INPP5D: variants seen among roughly 807,000 people sequenced by gnomAD.
INPP5D encodes inositol polyphosphate-5-phosphatase D.
A neutral mutation model predicts 122.9 loss-of-function variants in INPP5D; 33 were observed. That is an observed-to-expected ratio of 0.27 (90% CI 0.20 to 0.36). The LOEUF is 0.36. INPP5D is among the 10% of genes least tolerant of loss of function. INPP5D has a pLI of 1.00. For missense variants in INPP5D, 1,053 were observed against 1,412.7 expected (o/e 0.75, Z 4.08); for synonymous variants, 584 against 576.2 (o/e 1.01, Z -0.19).
At chr2:233,123,786 A>G (rs1693069510) in intron 3 of INPP5D, among the ~76,000 whole-genome samples, 1 of 152,264 alleles carries the variant, frequency 6.6e-6, no homozygotes, top group Non-Finnish European at 1.5e-5. Context: ...CTATGCAGCC[A>G]GTAAAAAGAA....
chr2:233,164,275 G>A lies in INPP5D; in HGVS notation c.1438-32G>A, dbSNP rs1420744190. On this transcript the variant is annotated intron_variant, in intron 12 of 26. Coordinates refer to ENST00000445964, the MANE Select transcript of INPP5D (RefSeq NM_001017915.3). The surrounding 1 kb of genome is among the most constrained non-coding windows in gnomAD (Gnocchi z 4.3). The stretch of plus-strand genomic sequence containing the variant: ...TGCCCTGGTTCACACCCTACACTTG[G>A]GCCGAGTATTGCAACGTTGTCCTCC... 1 of 1,531,288 alleles carries A rather than the reference G, an allele frequency of 6.5e-7. No individual in the cohort carries two copies. Among genetic ancestry groups the A allele is most frequent in the Non-Finnish European group, 8.8e-7 (1 of 1,135,936 alleles). The allele number at this position is 1,531,288 out of a possible 1,614,324, so 94.9% of individuals were successfully genotyped here.
At chr2:233,109,830 C>A (rs1692568523) in intron 2 of INPP5D, among the ~76,000 whole-genome samples, 1 of 151,636 alleles carries the variant, frequency 6.6e-6, no homozygotes. Context: ...TCATGAACCA[C>A]CCGCCTCAGC....
At chr2:233,089,801 A>T (rs1340052468) in intron 2 of INPP5D, among the ~76,000 whole-genome samples, 1 of 152,246 alleles carries the variant, frequency 6.6e-6, no homozygotes, top group Non-Finnish European at 1.5e-5. Context: ...TCTAGAGACC[A>T]ATGACAAGCA....
intron 26 of INPP5D, chr2:233,205,691 T>C (rs1053363261): frequency 6.6e-6 from 1 of 152,170 alleles, no homozygotes; most frequent in Non-Finnish European, 1.5e-5. Flanking sequence ...GCATTCATAC[T>C]TGAAAATTTC....
Position 233,195,451 on chromosome 2 carries a change from C to A in INPP5D, c.2649C>A (p.Ser883Arg). Residue 883 changes from serine (S) to arginine (R), a missense_variant, in exon 24 of 27, where the codon AGC (serine) becomes AGA (arginine). By Grantham distance (110) the Ser-to-Arg change is moderately radical (BLOSUM62 -1). Transcript: ENST00000445964. ...DESSGPKTLK[S>R]LTSHDPMKQW... is the part of the protein sequence containing the mutation. ...CCAGTGGGCCAAAGACCCTGAAGAG[C>A]CTCACCAGCCACGACCCCATGAAGC... 6.2e-7 allele frequency: 1 copy of A among 1,613,888 alleles called. No individual in the cohort carries two copies. The highest frequency in any genetic ancestry group is 8.5e-7 in the Non-Finnish European group (1 of 1,179,874).
intron 1 of INPP5D, among the ~76,000 whole-genome samples, chr2:233,075,595 G>GTA (rs936866971): frequency 6.6e-6 from 1 of 150,678 alleles, no homozygotes; most frequent in South Asian, 2.1e-4. Flanking sequence ...GTGTGCACAT[G>GTA]TATATGTGTG....
At chr2:233,065,394 G>T (rs1574697009) in intron 1 of INPP5D, among the ~76,000 whole-genome samples, 1 of 129,270 alleles carries the variant, frequency 7.7e-6, no homozygotes, top group Non-Finnish European at 1.6e-5. Flanking sequence ...TGCAACCTCC[G>T]CCTCCCAGGA....
At position 233,180,509 on chromosome 2, in the gene INPP5D, T is replaced by C. The variant is rs565255831; in HGVS notation, c.2072-1901T>C. Among the ~76,000 whole-genome samples the C allele has an allele frequency of 2.6e-5, 4 of 152,236 alleles. No individual in the cohort carries two copies. In the South Asian group the frequency reaches 8.3e-4, roughly 32 times the overall value. ...CACACAGCACTGGACCTCACTGATTTCTTCTTGCCTGTGTCCAGTTTTTTG... is the reference window on the plus strand; with the variant it reads ...CACACAGCACTGGACCTCACTGATTCCTTCTTGCCTGTGTCCAGTTTTTTG... On this transcript the variant is annotated intron_variant, in intron 18 of 26. Transcript: ENST00000445964.
At chr2:233,081,098 T>G (rs1691676863) in intron 2 of INPP5D, among the ~76,000 whole-genome samples, 1 of 152,238 alleles carries the variant, frequency 6.6e-6, no homozygotes, top group Admixed American at 6.5e-5. Context: ...TTTGGCCTGG[T>G]TCTTAGCAGT....
intron 2 of INPP5D, among the ~76,000 whole-genome samples, chr2:233,092,226 C>A (rs921090558): frequency 3.9e-5 from 6 of 152,338 alleles, no homozygotes; most frequent in Middle Eastern, 3.4e-3. Flanking sequence ...AGGCTCTGCC[C>A]CCTCAGGCAG....
chr2:233,111,030 GTA>G (rs1337669419), intron 2 of INPP5D, among the ~76,000 whole-genome samples: 4 of 152,030 alleles, frequency 2.6e-5, no homozygotes, highest in African/African-American at 9.7e-5. Context: ...AAGAATTCCT[GTA>G]TACCCTCTGC....
chr2:233,122,874 C>T (rs776738544), intron 3 of INPP5D, among the ~76,000 whole-genome samples: 1 of 152,116 alleles, frequency 6.6e-6, no homozygotes. Flanking sequence ...CTTGACTAGC[C>T]TTTAAAAAGA....
At chr2:233,132,037 C>G (rs903376641) in intron 5 of INPP5D, among the ~76,000 whole-genome samples, 4 of 152,218 alleles carry the variant, frequency 2.6e-5, no homozygotes, top group African/African-American at 9.6e-5. Context: ...AATTGGCTTT[C>G]AACTAATGCA....
At chr2:233,086,119 C>CTCTTTCTTTCTTTCCT (rs1691826456) in intron 2 of INPP5D, among the ~76,000 whole-genome samples, 1 of 93,828 alleles carries the variant, frequency 1.1e-5, no homozygotes, top group African/African-American at 4.0e-5. Context: ...ATAAGATAGC[C>CTCTTTCTTTCTTTCCT]TCTTTCTTTC....
chr2:233,088,004 C>G (rs946865183), intron 2 of INPP5D, among the ~76,000 whole-genome samples: 3 of 151,976 alleles, frequency 2.0e-5, no homozygotes, highest in African/African-American at 7.3e-5. Flanking sequence ...GAGACAGTGT[C>G]TCGCTCTAGC....
chr2:233,130,531 C>G lies in INPP5D; in HGVS notation c.548C>G (p.Ala183Gly). The change falls in exon 5 of 27, where the codon GCC (alanine) becomes GGC (glycine). Residue 183 changes from alanine (A) to glycine (G), a missense_variant. By Grantham distance (60) the Ala-to-Gly change is moderately conservative. This residue lies in a region of INPP5D where 196 missense variants were observed against 175.6 expected (regional missense o/e 1.12). Transcript: ENST00000445964. ...AGGCTTCCAGAAGAGCATCTTAAGG[C>G]CATCCAAGATTATTTAAGCACTCAG... Reference protein sequence around the residue: ...TSGLPEEHLKAIQDYLSTQLA... With the variant: ...TSGLPEEHLKGIQDYLSTQLA... 1.2e-6 allele frequency: 2 copies of G among 1,613,952 alleles called. No individual in the cohort carries two copies. The highest frequency in any genetic ancestry group is 2.2e-5 in the South Asian group (2 of 91,076).
At chr2:233,168,875 C>G (rs1249840488) in intron 13 of INPP5D, 3 of 186,078 alleles carry the variant, frequency 1.6e-5, no homozygotes, top group Non-Finnish European at 3.4e-5. Context: ...AACCACTGAC[C>G]TAGAATAGAT....
chr2:233,156,375 C>T lies in INPP5D; in HGVS notation c.1031-1938C>T, dbSNP rs1250067844. On this transcript the variant is annotated intron_variant, in intron 9 of 26. Coordinates refer to ENST00000445964, the MANE Select transcript of INPP5D (RefSeq NM_001017915.3). ...CACGATCTTGGCTCACTGCAACCTCCGCCTCCCAGGTTCAAGCAATTCTCC... is the reference window on the plus strand; with the variant it reads ...CACGATCTTGGCTCACTGCAACCTCTGCCTCCCAGGTTCAAGCAATTCTCC... 3.3e-5 allele frequency among the ~76,000 whole-genome samples: 5 copies of T among 152,188 alleles called. No individual in the cohort carries two copies. The South Asian group carries it at 8.3e-4, about 25-fold the overall frequency.
At chr2:233,193,418 CTG>C (rs746201006) in intron 22 of INPP5D, among the ~76,000 whole-genome samples, 1 of 152,210 alleles carries the variant, frequency 6.6e-6, no homozygotes, top group Non-Finnish European at 1.5e-5. Flanking sequence ...GCTGCAGATA[CTG>C]TTCCCAATCC....
Sources: allele counts gnomAD v4.1 joint callset (sites outside exome capture counted in the v4.1 genomes callset), GRCh38; gene constraint gnomAD v4.1.1; regional missense constraint gnomAD v4.1.1; non-coding constraint Gnocchi (gnomAD v3.1); transcripts MANE v1.5; gene names NCBI Gene and HGNC (gene_info 2026-07-23, HGNC 2026-07-21).